Variants in RANBP3 observed in about 807,000 individuals in gnomAD.
The protein encoded by RANBP3 is RAN binding protein 3, also known as ran-binding protein 3.
RANBP3 carries 14 observed loss-of-function variants against 77.3 expected under a neutral mutation model. The ratio of observed to expected loss-of-function variants is 0.18; its 90% confidence interval spans 0.12 to 0.28. The LOEUF (loss-of-function observed/expected upper bound fraction) is 0.28, where lower values mean the gene tolerates loss of function less well. Ranked by LOEUF, RANBP3 falls within the 10% of genes least tolerant of loss-of-function variation. The pLI is 1.00. For missense variants in RANBP3, 586 were observed against 752.3 expected (o/e 0.78, Z 2.59); for synonymous variants, 315 against 312.4 (o/e 1.01, Z -0.09).
At position 5,932,540 on chromosome 19, in the gene RANBP3, C is replaced by T. The variant is rs1433034053; in HGVS notation, c.477G>A (p.Leu159=). 5 of 1,613,476 alleles carry T rather than the reference C, an allele frequency of 3.1e-6. No individual in the cohort carries two copies. Among genetic ancestry groups the T allele is most frequent in the Admixed American group, 1.7e-5 (1 of 60,034 alleles). Residue 159 remains leucine (L), a synonymous_variant, in exon 7 of 17, where the codon CTG becomes CTA. Transcript: ENST00000340578. ...LIHGQAPSAG[L]PSQKPKEQQR... is the part of the protein sequence containing the mutation. ...GCTGCTCCTTGGGCTTCTGGCTTGG[C>T]AGACCTAGGAACAGAAGGCGGCCTT...
intron 6 of RANBP3, 134 bp downstream of exon 6, chr19:5,933,280 C>T (rs1303232164): frequency 2.9e-6 from 2 of 689,802 alleles, no homozygotes; most frequent in Non-Finnish European, 4.7e-6. Context: ...AAGGAACTTT[C>T]CAGGGCTCGT....
In RANBP3 at chr19:5,924,869, G is replaced by A; in HGVS notation, c.954C>T (p.Ser318=). ...ENSTNSADAS[S]NKFVFGQNMS... is the part of the protein sequence containing the mutation. ...TGTTCTGGCCAAATACAAATTTGTT[G>A]CTGGAGGCGTCGGCACTATTGGTTG... Residue 318 remains serine, a synonymous_variant, in exon 11 of 17, where the codon AGC becomes AGT. Coordinates refer to ENST00000340578, the MANE Select transcript of RANBP3 (RefSeq NM_007322.3). This position sits in a 1 kb window ranked among gnomAD's most constrained non-coding sequence, Gnocchi z 4.7. 1 of 1,614,184 alleles carries A rather than the reference G, an allele frequency of 6.2e-7. No individual in the cohort carries two copies. Among genetic ancestry groups the A allele is most frequent in the Non-Finnish European group, 8.5e-7 (1 of 1,179,994 alleles).
intron 14 of RANBP3, among the ~76,000 whole-genome samples, chr19:5,919,167 C>A (rs1427034942): frequency 6.6e-6 from 1 of 152,246 alleles, no homozygotes; most frequent in East Asian, 1.9e-4. Flanking sequence ...AGTAGGACCG[C>A]AGCTTAGCGC....
At chr19:5,928,156 C>A (rs2145063677) in intron 8 of RANBP3, 69 bp from the exon 9 acceptor site, 1 of 1,547,786 alleles carries the variant, frequency 6.5e-7, no homozygotes, top group Non-Finnish European at 8.7e-7. Flanking sequence ...GGATGCCCAG[C>A]AATCCCACAC....
intron 1 of RANBP3, among the ~76,000 whole-genome samples, chr19:5,969,934 C>T (rs2058511461): frequency 6.6e-6 from 1 of 152,246 alleles, no homozygotes; most frequent in Admixed American, 6.5e-5. Context: ...GAGGAAGGGC[C>T]TTAAACTCTA....
In RANBP3 at chr19:5,921,140, T is replaced by G. The variant is rs1337379479; in HGVS notation, c.1330+61A>C. 2.6e-6 allele frequency: 4 copies of G among 1,555,440 alleles called. No individual in the cohort carries two copies. The highest frequency in any genetic ancestry group is 1.8e-5 in the Admixed American group (1 of 55,978). Reference sequence around the variant, plus strand: ...TCCCCCGCTTCATTCCCTTTGGAATTGCATAGTCCCCAGCCCTCCCCATGG... The same window carrying G: ...TCCCCCGCTTCATTCCCTTTGGAATGGCATAGTCCCCAGCCCTCCCCATGG... On this transcript the variant is annotated intron_variant, in intron 14 of 16. Transcript: ENST00000340578. This position sits in a 1 kb window ranked among gnomAD's most constrained non-coding sequence, Gnocchi z 5.3.
chr19:5,921,045 G>T lies in RANBP3; in HGVS notation c.1330+156C>A. The T allele has an allele frequency of 1.1e-6, 1 of 879,964 alleles. No homozygotes were observed. The highest frequency in any genetic ancestry group is 1.6e-6 in the Non-Finnish European group (1 of 617,274). The allele number at this position is 879,964 out of a possible 1,614,324, so 54.5% of individuals were successfully genotyped here. On this transcript the variant is annotated intron_variant, in intron 14 of 16. Transcript: ENST00000340578. The surrounding 1 kb of genome is among the most constrained non-coding windows in gnomAD (Gnocchi z 5.3). ...GTGTTGAGGGCTGGGTGCAGGGAGG[G>T]GGTTTGGGGGGCGGCTCTCATGGGA...
chr19:5,918,763 A>G, intron 14 of RANBP3, 125 bp from the exon 15 acceptor site: 3 of 1,233,034 alleles, frequency 2.4e-6, no homozygotes, highest in South Asian at 1.4e-5. Context: ...TGATCCTCCC[A>G]GGACCCACCC....
In RANBP3 at chr19:5,916,733, AC is replaced by A. The variant is rs2057743234; in HGVS notation, c.*876del. On this transcript the variant is annotated 3_prime_UTR_variant, in exon 17 of 17. Coordinates refer to ENST00000340578, the MANE Select transcript of RANBP3 (RefSeq NM_007322.3). ...TGCGCCTGGTGCCTGATGATGGTGA[AC>A]CACGTGACAGATGGAGACGGGAGTC... 1 of 152,506 alleles carries A rather than the reference AC, an allele frequency of 6.6e-6. No individual in the cohort carries two copies. The highest frequency in any genetic ancestry group is 6.5e-5 in the Admixed American group (1 of 15,296). The allele number at this position is 152,506 out of a possible 1,614,324, so 9.4% of individuals were successfully genotyped here. A position where few individuals can be genotyped will look rare whatever the true frequency, so the allele number is the denominator to read the frequency against.
intron 14 of RANBP3, 150 bp from the exon 15 acceptor site, chr19:5,918,788 C>T: frequency 1.0e-6 from 1 of 993,064 alleles, no homozygotes; most frequent in Non-Finnish European, 1.4e-6. Context: ...AGCAAGACTT[C>T]TCCCTGAGGC....
At chr19:5,937,055 C>CAA (rs1568458812) in intron 5 of RANBP3, among the ~76,000 whole-genome samples, 2 of 7,154 alleles carry the variant, frequency 2.8e-4, no homozygotes, top group Non-Finnish European at 4.5e-4. Context: ...GACTCTGTCT[C>CAA]CAAAAAAAAA....
intron 2 of RANBP3, among the ~76,000 whole-genome samples, chr19:5,953,827 C>A (rs982374968): frequency 2.0e-5 from 3 of 152,216 alleles, no homozygotes; most frequent in African/African-American, 7.2e-5. Flanking sequence ...GGAGTAACAT[C>A]CCTGTGCTGC....
chr19:5,956,663 C>T (rs1194969249), intron 2 of RANBP3, among the ~76,000 whole-genome samples: 1 of 152,146 alleles, frequency 6.6e-6, no homozygotes, highest in Non-Finnish European at 1.5e-5. Flanking sequence ...TCCCCTCCTC[C>T]CCAACCCCTA....
chr19:5,978,016 C>T (rs201925504), intron 1 of RANBP3, 45 bp downstream of exon 1: 3 of 1,607,046 alleles, frequency 1.9e-6, no homozygotes. Flanking sequence ...CCTCCCGCCG[C>T]CCGTTCCCCG....
chr19:5,961,883 C>G (rs1263989008), intron 1 of RANBP3, among the ~76,000 whole-genome samples: 1 of 151,924 alleles, frequency 6.6e-6, no homozygotes, highest in African/African-American at 2.4e-5. Context: ...CTGCACGTCC[C>G]ACACTTAGGG....
At chr19:5,955,488 G>A (rs2058325179) in intron 2 of RANBP3, among the ~76,000 whole-genome samples, 2 of 152,196 alleles carry the variant, frequency 1.3e-5, no homozygotes, top group South Asian at 4.1e-4. Context: ...ACCCCTTGAA[G>A]GTCATACATG....
At chr19:5,950,983 C>A (rs2058267156) in intron 3 of RANBP3, 1 of 260,812 alleles carries the variant, frequency 3.8e-6, no homozygotes, top group South Asian at 3.7e-5. Flanking sequence ...TCAAAGGAAG[C>A]CTTAGCTTCT....
Position 5,935,748 on chromosome 19 carries a change from C to G in RANBP3, c.407-2269G>C, listed in dbSNP as rs757795261. The G allele has an allele frequency of 6.6e-6, 3 of 456,746 alleles. 1 individual carries two copies. Among genetic ancestry groups the G allele is most frequent in the South Asian group, 4.6e-5 (3 of 64,576 alleles). 28.3% of individuals were successfully genotyped at this position (456,746 alleles called of 1,614,324 possible). A position where few individuals can be genotyped will look rare whatever the true frequency, so the allele number is the denominator to read the frequency against. ...GAGCTGCAGACAGACAAGGCGTGCT[C>G]CAGGGGTAGCCAAAATCTGGAGGTC... On this transcript the variant is annotated intron_variant, in intron 5 of 16. Coordinates refer to ENST00000340578, the MANE Select transcript of RANBP3 (RefSeq NM_007322.3).
chr19:5,966,203 T>C (rs1449075245), intron 1 of RANBP3, among the ~76,000 whole-genome samples: 1 of 152,250 alleles, frequency 6.6e-6, no homozygotes, highest in Admixed American at 6.5e-5. Flanking sequence ...TGTCAGTTGC[T>C]GTTCTGGATA....
Sources: allele counts gnomAD v4.1 joint callset (sites outside exome capture counted in the v4.1 genomes callset), GRCh38; gene constraint gnomAD v4.1.1; non-coding constraint Gnocchi (gnomAD v3.1); transcripts MANE v1.5; gene names NCBI Gene and HGNC (gene_info 2026-07-23, HGNC 2026-07-21).